Variants in PLEKHH2 observed in about 807,000 individuals in gnomAD.
PLEKHH2 encodes the protein pleckstrin homology, MyTH4 and FERM domain containing H2.
PLEKHH2 carries 129 observed loss-of-function variants against 187.9 expected under a neutral mutation model. That is an observed-to-expected ratio of 0.69 (90% CI 0.59 to 0.79). The LOEUF (loss-of-function observed/expected upper bound fraction) is 0.79. Ranked by LOEUF, PLEKHH2 falls within the 30% of genes least tolerant of loss-of-function variation. The pLI, the probability that PLEKHH2 is intolerant of heterozygous loss-of-function variation, is 0.00. For synonymous variants in PLEKHH2, 686 were observed against 605.6 expected (o/e 1.13, Z -1.95); for missense variants, 2,076 against 1,751.2 (o/e 1.19, Z -3.31).
intron 14 of PLEKHH2, chr2:43,711,091 A>C: frequency 1.0e-6 from 1 of 986,496 alleles, no homozygotes; most frequent in Non-Finnish European, 1.2e-6. Flanking sequence ...CATTTTACTC[A>C]CACATAAGGC....
At chr2:43,751,741 C>G (rs1672017973) in intron 24 of PLEKHH2, among the ~76,000 whole-genome samples, 1 of 152,196 alleles carries the variant, frequency 6.6e-6, no homozygotes, top group Admixed American at 6.5e-5. Context: ...TTGTGAGAGG[C>G]TTAGATCACA....
At position 43,648,560 on chromosome 2, in the gene PLEKHH2, CGTGTGTGTGTGTGTGTGT is replaced by C. The variant is rs71410194; in HGVS notation, c.123+3788_123+3805del. ...GAGGTGACCTAAATGTAATTACATT[CGTGTGTGTGTGTGTGTGT>C]GTGTGTGTGTGTGTGTGTGTGTGAC... On this transcript the variant is annotated intron_variant, in intron 2 of 29. Transcript: ENST00000282406. Among the ~76,000 whole-genome samples, 35 of 137,956 alleles carry C rather than the reference CGTGTGTGTGTGTGTGTGT, an allele frequency of 2.5e-4. No homozygotes were observed. The Middle Eastern group carries it at 0.014, about 57-fold the overall frequency. 90.5% of individuals were successfully genotyped at this position (137,956 alleles called of 152,430 possible).
intron 8 of PLEKHH2, among the ~76,000 whole-genome samples, chr2:43,702,162 CTT>C (rs1364318738): frequency 2.0e-5 from 3 of 152,198 alleles, no homozygotes; most frequent in Non-Finnish European, 4.4e-5. Flanking sequence ...TTGCAGGACT[CTT>C]TTGGTTTTTG....
At chr2:43,645,616 A>C (rs1050140460) in intron 2 of PLEKHH2, among the ~76,000 whole-genome samples, 1 of 152,200 alleles carries the variant, frequency 6.6e-6, no homozygotes, top group Non-Finnish European at 1.5e-5. Context: ...AGAATGTAAA[A>C]TATCTCAGCA....
intron 24 of PLEKHH2, among the ~76,000 whole-genome samples, chr2:43,747,727 C>A (rs968050676): frequency 4.6e-5 from 7 of 151,840 alleles, no homozygotes; most frequent in Non-Finnish European, 8.8e-5. Context: ...AGTCTTATAC[C>A]CTGTAAATTA....
chr2:43,764,473 C>A, intron 29 of PLEKHH2, 108 bp downstream of exon 29: 2 of 1,176,114 alleles, frequency 1.7e-6, no homozygotes, highest in Non-Finnish European at 2.4e-6. Context: ...AACATTTATT[C>A]AGCAAAGACT....
intron 15 of PLEKHH2, among the ~76,000 whole-genome samples, chr2:43,714,303 T>G (rs1670109691): frequency 6.6e-6 from 1 of 152,236 alleles, no homozygotes; most frequent in Non-Finnish European, 1.5e-5. Context: ...ATTTCACAAT[T>G]GCATTTTAAA....
chr2:43,686,441 C>T (rs1230628770), intron 3 of PLEKHH2, among the ~76,000 whole-genome samples: 2 of 152,202 alleles, frequency 1.3e-5, no homozygotes, highest in Admixed American at 1.3e-4. Context: ...AGGTGATCCC[C>T]CTGCCTTGGC....
intron 2 of PLEKHH2, among the ~76,000 whole-genome samples, chr2:43,657,622 T>C (rs937724765): frequency 4.6e-5 from 7 of 152,192 alleles, no homozygotes; most frequent in African/African-American, 1.7e-4. Flanking sequence ...AAAGAGCACA[T>C]GGGATAGGAG....
chr2:43,654,205 T>A lies in PLEKHH2; in HGVS notation c.123+9409T>A, dbSNP rs944156340. 7.9e-5 allele frequency among the ~76,000 whole-genome samples: 12 copies of A among 152,298 alleles called. No individual in the cohort carries two copies. The South Asian group carries it at 8.3e-4, about 11-fold the overall frequency. ...TTGACATTTTATGTTATTTATTTAT[T>A]TATTTATTGAGACGGAGTCTTGCTC... On this transcript the variant is annotated intron_variant, in intron 2 of 29. Coordinates refer to ENST00000282406, the MANE Select transcript of PLEKHH2 (RefSeq NM_172069.4).
At chr2:43,643,654 G>T (rs1666050894) in intron 1 of PLEKHH2, among the ~76,000 whole-genome samples, 1 of 152,042 alleles carries the variant, frequency 6.6e-6, no homozygotes, top group African/African-American at 2.4e-5. Flanking sequence ...GGCTCTGAGA[G>T]TTTTGCTGTC....
At chr2:43,758,612 C>T (rs1193982049) in intron 26 of PLEKHH2, among the ~76,000 whole-genome samples, 1 of 152,106 alleles carries the variant, frequency 6.6e-6, no homozygotes, top group African/African-American at 2.4e-5. Context: ...AACTAATTTA[C>T]GCTAAGTTTT....
intron 25 of PLEKHH2, 129 bp downstream of exon 25, chr2:43,753,889 A>G (rs1269375973): frequency 9.5e-6 from 7 of 740,640 alleles, no homozygotes; most frequent in Non-Finnish European, 1.4e-5. Context: ...CACCTTAAAA[A>G]TTACAGGCAC....
At chr2:43,763,882 C>G (rs1160421701) in intron 28 of PLEKHH2, among the ~76,000 whole-genome samples, 2 of 151,862 alleles carry the variant, frequency 1.3e-5, no homozygotes, top group Admixed American at 1.3e-4. Flanking sequence ...ATGGCTTAAC[C>G]TAACATAAAT....
chr2:43,667,480 C>T (rs774563961), intron 2 of PLEKHH2, among the ~76,000 whole-genome samples: 75 of 152,150 alleles, frequency 4.9e-4, no homozygotes, highest in Non-Finnish European at 6.6e-4. Context: ...AAAACTTTTA[C>T]ATGAATGTTC....
At position 43,738,226 on chromosome 2, in the gene PLEKHH2, A is replaced by G. The variant is rs1671389499; in HGVS notation, c.2944-115A>G. Reference sequence around the variant, plus strand: ...CTTTTGATTAGTGTTATCATAATATATCCTTTTCCATCATTTTAAACAAAA... The same window carrying G: ...CTTTTGATTAGTGTTATCATAATATGTCCTTTTCCATCATTTTAAACAAAA... On this transcript the variant is annotated intron_variant, in intron 19 of 29. Transcript: ENST00000282406. The G allele has an allele frequency of 9.5e-6, 8 of 845,554 alleles. No individual in the cohort carries two copies. The South Asian group carries it at 2.0e-4, about 21-fold the overall frequency. 52.4% of individuals were successfully genotyped at this position (845,554 alleles called of 1,614,324 possible).
In PLEKHH2 at chr2:43,694,531, G is replaced by T. The variant is rs1668994711; in HGVS notation, c.420+17G>T. On this transcript the variant is annotated intron_variant, in intron 5 of 29. Transcript: ENST00000282406. ...TTAAATGAGGTATTTATTGCTATAT[G>T]TTTTCCTTTTCTTTACCTTTTACTT... is the stretch of plus-strand genomic sequence containing the variant. 1.3e-6 allele frequency: 2 copies of T among 1,523,152 alleles called. No homozygotes were observed. Among genetic ancestry groups the T allele is most frequent in the South Asian group, 1.3e-5 (1 of 79,558 alleles). 94.4% of individuals were successfully genotyped at this position (1,523,152 alleles called of 1,614,324 possible).
intron 1 of PLEKHH2, among the ~76,000 whole-genome samples, chr2:43,643,174 T>C (rs1666027294): frequency 6.6e-6 from 1 of 152,080 alleles, no homozygotes; most frequent in South Asian, 2.1e-4. Flanking sequence ...TAAATGCTAA[T>C]ATGGGTAATG....
At position 43,671,093 on chromosome 2, in the gene PLEKHH2, C is replaced by T. The variant is rs1434111995; in HGVS notation, c.124-7770C>T. Among the ~76,000 whole-genome samples the T allele has an allele frequency of 5.3e-5, 8 of 151,760 alleles. No individual in the cohort carries two copies. The East Asian group carries it at 1.3e-3, about 26-fold the overall frequency. On this transcript the variant is annotated intron_variant, in intron 2 of 29. Coordinates refer to ENST00000282406, the MANE Select transcript of PLEKHH2 (RefSeq NM_172069.4). ...CTGCCTCCTGGGTTCAAGTGATTCTCCTGCCTCTGCCCCCCACTGAGTAGC... is the reference window on the plus strand; with the variant it reads ...CTGCCTCCTGGGTTCAAGTGATTCTTCTGCCTCTGCCCCCCACTGAGTAGC...
Sources: allele counts gnomAD v4.1 joint callset (sites outside exome capture counted in the v4.1 genomes callset), GRCh38; gene constraint gnomAD v4.1.1; transcripts MANE v1.5; gene names NCBI Gene and HGNC (gene_info 2026-07-23, HGNC 2026-07-21).